BCL2L11: variants seen among roughly 807,000 people sequenced by gnomAD.
BCL2L11 encodes bcl-2-like protein 11.
Under a neutral mutation model 20.6 loss-of-function variants are expected in BCL2L11, and 15 were observed. The observed-to-expected ratio is 0.73, with a 90% confidence interval of 0.49 to 1.12. BCL2L11 has a LOEUF of 1.12. Among genes scored for constraint, BCL2L11 ranks in the 50% most tolerant of loss-of-function variants. BCL2L11 has a pLI of 0.00. For missense variants in BCL2L11, 292 were observed against 260.9 expected (o/e 1.12, Z -0.82); for synonymous variants, 108 against 92.8 (o/e 1.16, Z -0.94).
chr2:111,142,144 T>C (rs1157472856), intron 2 of BCL2L11, among the ~76,000 whole-genome samples: 3 of 152,214 alleles, frequency 2.0e-5, no homozygotes, highest in Admixed American at 1.3e-4. Flanking sequence ...TGGAAGACCT[T>C]CAAAAGCACC....
chr2:111,156,844 G>T (rs1335144537), intron 3 of BCL2L11, among the ~76,000 whole-genome samples: 1 of 152,184 alleles, frequency 6.6e-6, no homozygotes, highest in African/African-American at 2.4e-5. Flanking sequence ...ATTATCATCT[G>T]TTATCGTAAT....
intron 3 of BCL2L11, 34 bp from the exon 4 acceptor site, chr2:111,164,099 G>GGA: frequency 7.8e-7 from 1 of 1,274,702 alleles, no homozygotes; most frequent in Non-Finnish European, 1.1e-6. Context: ...CCAAATTAGG[G>GGA]AGAAACTAAG....
At chr2:111,140,300 T>G (rs535745566) in intron 2 of BCL2L11, among the ~76,000 whole-genome samples, 1 of 152,318 alleles carries the variant, frequency 6.6e-6, no homozygotes, top group Non-Finnish European at 1.5e-5. Flanking sequence ...GTGTGTGTGT[T>G]AAATGGAAAC....
intron 1 of BCL2L11, chr2:111,123,073 A>ATGTGCACCTCACGG (rs1214722657): frequency 2.1e-6 from 2 of 974,000 alleles, no homozygotes; most frequent in African/African-American, 3.5e-5. Flanking sequence ...CCATTTAGAG[A>ATGTGCACCTCACGG]TGTGCACCTC....
At chr2:111,135,773 CAACT>C (rs1177461233) in intron 2 of BCL2L11, among the ~76,000 whole-genome samples, 2 of 152,178 alleles carry the variant, frequency 1.3e-5, no homozygotes, top group African/African-American at 4.8e-5. Context: ...AATGTCATGT[CAACT>C]AACTAACCCC....
chr2:111,131,874 A>C (rs1398697092), intron 2 of BCL2L11: 1 of 152,226 alleles, frequency 6.6e-6, no homozygotes, highest in African/African-American at 2.4e-5. Flanking sequence ...TAAGTTCAGG[A>C]TTTATGGAAA....
rs13396546 is a variant in BCL2L11 at position 111,134,135 on chromosome 2, C to T, written c.394+9996C>T. On this transcript the variant is annotated intron_variant, in intron 2 of 3. Transcript: ENST00000393256. Reference sequence around the variant, plus strand: ...TTTATCTAGTCTGCCCAATCTGTCTCTTAAATGGTCTAGACCATTTACATT... The same window carrying T: ...TTTATCTAGTCTGCCCAATCTGTCTTTTAAATGGTCTAGACCATTTACATT... Among the ~76,000 whole-genome samples, 1,506 of 151,816 alleles carry T rather than the reference C, an allele frequency of 9.9e-3. 31 individuals carry two copies. Among genetic ancestry groups the T allele is most frequent in the African/African-American group, 0.034 (1,407 of 41,342 alleles).
chr2:111,133,366 C>T (rs1176234932), intron 2 of BCL2L11, among the ~76,000 whole-genome samples: 1 of 152,192 alleles, frequency 6.6e-6, no homozygotes, highest in Non-Finnish European at 1.5e-5. Context: ...TTATTCAGCG[C>T]TAGAAATTTC....
At chr2:111,156,679 A>C (rs1290774742) in intron 3 of BCL2L11, among the ~76,000 whole-genome samples, 1 of 152,074 alleles carries the variant, frequency 6.6e-6, no homozygotes, top group Non-Finnish European at 1.5e-5. Flanking sequence ...ATCTCGTAGG[A>C]AAACACGACT....
rs187322388 is a variant in BCL2L11, at chr2:111,123,228, G to C, written c.-13-505G>C. ...AACTCTATTGTGACGCACTTACTACGACTGACGGCCGCTGCCAGACCTTCC... is the reference window on the plus strand; with the variant it reads ...AACTCTATTGTGACGCACTTACTACCACTGACGGCCGCTGCCAGACCTTCC... On this transcript the variant is annotated intron_variant, in intron 1 of 3. Transcript: ENST00000393256. 3.0e-4 allele frequency: 295 copies of C among 985,460 alleles called. 3 individuals carry two copies. In the African/African-American group the frequency reaches 4.7e-3, roughly 16 times the overall value. The allele number at this position is 985,460 out of a possible 1,614,324, so 61.0% of individuals were successfully genotyped here.
intron 3 of BCL2L11, among the ~76,000 whole-genome samples, chr2:111,158,731 T>TGA (rs1375308081): frequency 6.6e-6 from 1 of 152,182 alleles, no homozygotes; most frequent in Non-Finnish European, 1.5e-5. Flanking sequence ...GAGCTTGCTT[T>TGA]GATATGACAA....
intron 3 of BCL2L11, among the ~76,000 whole-genome samples, chr2:111,151,113 A>G (rs1422139144): frequency 6.6e-6 from 1 of 152,178 alleles, no homozygotes; most frequent in Non-Finnish European, 1.5e-5. Flanking sequence ...CATATTGTCC[A>G]GGATGATCTC....
intron 3 of BCL2L11, among the ~76,000 whole-genome samples, chr2:111,155,783 A>G (rs956783535): frequency 2.0e-5 from 3 of 152,154 alleles, no homozygotes; most frequent in African/African-American, 7.2e-5. Context: ...AAACCCTTTC[A>G]TTGTTTGATC....
At chr2:111,140,912 G>A (rs2075691690) in intron 2 of BCL2L11, among the ~76,000 whole-genome samples, 1 of 152,204 alleles carries the variant, frequency 6.6e-6, no homozygotes, top group African/African-American at 2.4e-5. Context: ...TTTCACCAGG[G>A]TGCTCATTTG....
intron 2 of BCL2L11, among the ~76,000 whole-genome samples, chr2:111,140,313 G>A (rs1559048847): frequency 2.6e-5 from 4 of 152,126 alleles, no homozygotes; most frequent in Non-Finnish European, 5.9e-5. Context: ...ATGGAAACAC[G>A]TTCAATATAA....
chr2:111,138,945 C>T (rs921839295), intron 2 of BCL2L11, among the ~76,000 whole-genome samples: 1 of 152,064 alleles, frequency 6.6e-6, no homozygotes, highest in African/African-American at 2.4e-5. Context: ...TTTCCTTGCC[C>T]CTCAATGAGC....
At position 111,124,153 on chromosome 2, in the gene BCL2L11, G is replaced by A. The variant is rs1343788568; in HGVS notation, c.394+14G>A. ...TCAGTGCAATGGGTAAGCAATGCCT[G>A]GGTAAGAGGCAGTTGACGTGTGGAT... On this transcript the variant is annotated intron_variant, in intron 2 of 3. Coordinates refer to ENST00000393256, the MANE Select transcript of BCL2L11 (RefSeq NM_138621.5). 6.3e-7 allele frequency: 1 copy of A among 1,590,156 alleles called. No homozygotes were observed. Among genetic ancestry groups the A allele is most frequent in the African/African-American group, 1.3e-5 (1 of 74,096 alleles).
At chr2:111,128,509 G>T in intron 2 of BCL2L11, 1 of 1,283,112 alleles carries the variant, frequency 7.8e-7, no homozygotes, top group South Asian at 2.2e-5. Flanking sequence ...AATTTTTTGG[G>T]GAACCATCAT....
chr2:111,158,296 CAGG>C (rs1302353789), intron 3 of BCL2L11, among the ~76,000 whole-genome samples: 3 of 152,150 alleles, frequency 2.0e-5, no homozygotes, highest in African/African-American at 7.2e-5. Flanking sequence ...CTAACAGAAT[CAGG>C]GGGGTGACTC....
Sources: gnomAD v4.1 joint callset for allele counts (sites outside exome capture counted in the v4.1 genomes callset) on GRCh38, gnomAD v4.1.1 for gene constraint, MANE v1.5 for transcripts, NCBI Gene and HGNC (gene_info 2026-07-23, HGNC 2026-07-21) for gene names.